TSEN15: variants seen among roughly 807,000 people sequenced by gnomAD.
TSEN15 encodes the protein tRNA-splicing endonuclease subunit Sen15.
A neutral mutation model predicts 20.5 loss-of-function variants in TSEN15; 10 were observed. The ratio of observed to expected loss-of-function variants is 0.49; its 90% CI spans 0.30 to 0.83. The LOEUF (loss-of-function observed/expected upper bound fraction) is 0.83. Among genes scored for constraint, TSEN15 ranks in the 40% least tolerant of loss-of-function variants. The probability of loss-of-function intolerance (pLI) is 0.06; values close to 1 mark genes in which losing one functional copy is unlikely to be tolerated. For synonymous variants in TSEN15, 72 were observed against 80.1 expected (o/e 0.90, Z 0.54); for missense variants, 180 against 218.6 (o/e 0.82, Z 1.11).
downstream of TSEN15, among the ~76,000 whole-genome samples, chr1:184,076,192 C>T (rs1032699749): frequency 3.0e-4 from 45 of 152,080 alleles, no homozygotes; most frequent in African/African-American, 1.7e-4. Flanking sequence ...GCAAGATTGT[C>T]GATGCCATTT....
intron 3 of TSEN15, among the ~76,000 whole-genome samples, chr1:184,071,741 T>C (rs1650891008): frequency 6.6e-6 from 1 of 151,968 alleles, no homozygotes. Context: ...ATGTGATATA[T>C]AGAAAACAAA....
In TSEN15 at chr1:184,061,786, C is replaced by A. The variant is rs572233761; in HGVS notation, c.353+6923C>A. Among the ~76,000 whole-genome samples the A allele has an allele frequency of 2.0e-5, 3 of 152,260 alleles. No homozygotes were observed. In the South Asian group the frequency reaches 6.2e-4, roughly 32 times the overall value. Reference sequence around the variant, plus strand: ...CCTGAACAGTTTTTAGTGTCTGCTTCCCACTTACTTTCCCAGGCTTTAGAC... The same window carrying A: ...CCTGAACAGTTTTTAGTGTCTGCTTACCACTTACTTTCCCAGGCTTTAGAC... On this transcript the variant is annotated intron_variant, in intron 3 of 4. Coordinates refer to ENST00000645668, the MANE Select transcript of TSEN15 (RefSeq NM_052965.4).
In TSEN15 at chr1:184,089,279, A is replaced by G. The variant is rs141354608; in HGVS notation, c.354-6411A>G. 3.5e-3 allele frequency among the ~76,000 whole-genome samples: 527 copies of G among 152,152 alleles called. 12 individuals are homozygous for G. Among genetic ancestry groups the G allele is most frequent in the East Asian group, 0.033 (172 of 5,186 alleles). ...ATGTCATGTTTCATTGTGTTTTTCT[A>G]TTACATTTCCTACTGTAACCGTCAA... On this transcript the variant is annotated intron_variant, in intron 3 of 3. Transcript: ENST00000643231.
intron 3 of TSEN15, 42 bp downstream of exon 3, chr1:184,054,905 G>A (rs760098177): frequency 6.3e-7 from 1 of 1,588,098 alleles, no homozygotes; most frequent in East Asian, 2.2e-5. Context: ...CCCGAGTAAA[G>A]CAGTAGGAAA....
intron 3 of TSEN15, among the ~76,000 whole-genome samples, chr1:184,069,974 G>A (rs1650824800): frequency 6.6e-6 from 1 of 151,788 alleles, no homozygotes; most frequent in Admixed American, 6.6e-5. Context: ...TCAGAAATGG[G>A]AACTTCCATT....
intron 3 of TSEN15, among the ~76,000 whole-genome samples, chr1:184,081,000 A>G (rs963964889): frequency 6.6e-6 from 1 of 152,216 alleles, no homozygotes; most frequent in African/African-American, 2.4e-5. Flanking sequence ...TGGAAAGACA[A>G]TTCCAAATAT....
intron 3 of TSEN15, among the ~76,000 whole-genome samples, chr1:184,079,656 A>G (rs1651126037): frequency 6.6e-6 from 1 of 152,172 alleles, no homozygotes; most frequent in Non-Finnish European, 1.5e-5. Context: ...CACCAGCGCC[A>G]TCAGATTAGG....
intron 3 of TSEN15, among the ~76,000 whole-genome samples, chr1:184,055,697 T>A (rs1038903037): frequency 2.0e-5 from 3 of 152,158 alleles, no homozygotes; most frequent in African/African-American, 7.2e-5. Flanking sequence ...GACCTTTTTT[T>A]AAAAAGCTTA....
At chr1:184,095,495 G>T (rs1651431646) in intron 3 of TSEN15, 1 of 390,244 alleles carries the variant, frequency 2.6e-6, no homozygotes, top group Non-Finnish European at 4.5e-6. Context: ...CAGTGTGATT[G>T]TTTTTGGAGT....
intron 3 of TSEN15, among the ~76,000 whole-genome samples, chr1:184,087,917 C>T (rs1014026485): frequency 6.6e-6 from 1 of 151,988 alleles, no homozygotes; most frequent in African/African-American, 2.4e-5. Flanking sequence ...GAGATAGTAT[C>T]GGAGATGGAG....
chr1:184,078,502 A>C (rs186048445), downstream of TSEN15, among the ~76,000 whole-genome samples: 56 of 152,252 alleles, frequency 3.7e-4, no homozygotes, highest in African/African-American at 1.1e-3. Context: ...GGGAAATGGC[A>C]TGTGAGGATT....
At chr1:184,071,953 C>T (rs925249492) in intron 3 of TSEN15, 20 of 462,204 alleles carry the variant, frequency 4.3e-5, no homozygotes, top group African/African-American at 3.4e-4. Context: ...TCCTTTCCTT[C>T]TGTGATTCCA....
exon 4 of TSEN15, chr1:184,095,998 T>C: frequency 2.8e-6 from 1 of 352,188 alleles, no homozygotes; most frequent in South Asian, 1.5e-4. Flanking sequence ...CCATTGTTAT[T>C]GCTTCTAATA....
intron 3 of TSEN15, among the ~76,000 whole-genome samples, chr1:184,065,072 C>A (rs1385518139): frequency 6.6e-6 from 1 of 152,166 alleles, no homozygotes; most frequent in Non-Finnish European, 1.5e-5. Flanking sequence ...AAAAAGAAAT[C>A]TTGATTTGCT....
intron 3 of TSEN15, among the ~76,000 whole-genome samples, chr1:184,058,924 T>A (rs1473504180): frequency 6.6e-6 from 1 of 152,166 alleles, no homozygotes; most frequent in Non-Finnish European, 1.5e-5. Context: ...TGAGTGACTC[T>A]TATGTGTCAG....
chr1:184,096,444 A>G (rs970636390), exon 4 of TSEN15: 8 of 152,204 alleles, frequency 5.3e-5, no homozygotes, highest in African/African-American at 1.7e-4. Flanking sequence ...AGCTTACAGT[A>G]CAAGACAGAT....
At chr1:184,075,915 T>A (rs915746493), downstream of TSEN15, among the ~76,000 whole-genome samples, 313 of 150,092 alleles carry the variant, frequency 2.1e-3, no homozygotes, top group African/African-American at 7.0e-3. Context: ...TATATATTTT[T>A]TTTTTTCTTA....
chr1:184,061,364 G>C (rs1400020072), intron 3 of TSEN15, among the ~76,000 whole-genome samples: 1 of 152,102 alleles, frequency 6.6e-6, no homozygotes. Context: ...ATTTTTATTA[G>C]TAGGAGAGTT....
intron 3 of TSEN15, among the ~76,000 whole-genome samples, chr1:184,056,703 A>T (rs1430857596): frequency 1.3e-5 from 2 of 152,078 alleles, no homozygotes; most frequent in Non-Finnish European, 2.9e-5. Flanking sequence ...TGTCATGTGG[A>T]TAACCACTTT....
Sources: gnomAD v4.1 joint callset for allele counts (sites outside exome capture counted in the v4.1 genomes callset) on GRCh38, gnomAD v4.1.1 for gene constraint, MANE v1.5 for transcripts, NCBI Gene and HGNC (gene_info 2026-07-23, HGNC 2026-07-21) for gene names.